The following BIRC6 variants were observed in gnomAD, a reference collection of about 807,000 sequenced individuals.
BIRC6 encodes the protein baculoviral IAP repeat containing 6, also known as dual E2 ubiquitin-conjugating enzyme/E3 ubiquitin-protein ligase BIRC6.
BIRC6 carries 98 observed loss-of-function variants against 503.3 expected under a neutral mutation model. That is an observed-to-expected ratio of 0.19 (90% CI 0.17 to 0.23). The LOEUF is 0.23. Ranked by LOEUF, BIRC6 falls within the 10% of genes least tolerant of loss-of-function variation. The probability of loss-of-function intolerance (pLI) is 1.00; values close to 1 mark genes in which losing one functional copy is unlikely to be tolerated. For synonymous variants in BIRC6, 2,240 were observed against 2,078.7 expected (o/e 1.08, Z -2.11); for missense variants, 5,360 against 5,806.0 (o/e 0.92, Z 2.50).
chr2:32,492,547 GA>G (rs1364716832), intron 44 of BIRC6, among the ~76,000 whole-genome samples: 2 of 152,004 alleles, frequency 1.3e-5, no homozygotes, highest in African/African-American at 4.8e-5. Flanking sequence ...CACCAATTCT[GA>G]CTTAATTGTT....
chr2:32,364,490 C>T (rs913738098), intron 1 of BIRC6, among the ~76,000 whole-genome samples: 1 of 152,152 alleles, frequency 6.6e-6, no homozygotes, highest in Non-Finnish European at 1.5e-5. Context: ...ATCCGCCCGC[C>T]CTGGCCTCCC....
intron 65 of BIRC6, among the ~76,000 whole-genome samples, chr2:32,553,234 A>AG (rs2058557072): frequency 7.6e-6 from 1 of 131,606 alleles, no homozygotes; most frequent in South Asian, 2.3e-4. Flanking sequence ...AAAAAAAAAA[A>AG]GATAAATTCC....
intron 69 of BIRC6, among the ~76,000 whole-genome samples, chr2:32,598,218 A>G (rs2061802932): frequency 6.8e-6 from 1 of 147,610 alleles, no homozygotes. Context: ...CAGCCTCCAC[A>G]AAGAGCCCTT....
At chr2:32,613,775 A>G (rs1305158303) in intron 73 of BIRC6, among the ~76,000 whole-genome samples, 1 of 152,160 alleles carries the variant, frequency 6.6e-6, no homozygotes, top group African/African-American at 2.4e-5. Context: ...TCATCTGTAG[A>G]CTATCTTGGC....
At chr2:32,473,683 T>A (rs1315861185) in intron 33 of BIRC6, among the ~76,000 whole-genome samples, 3 of 151,466 alleles carry the variant, frequency 2.0e-5, no homozygotes, top group African/African-American at 7.3e-5. Flanking sequence ...GGTTTCTTTT[T>A]CCATGTCTTT....
At chr2:32,594,438 C>G (rs1559124214) in intron 67 of BIRC6, 1 of 167,302 alleles carries the variant, frequency 6.0e-6, no homozygotes, top group East Asian at 1.7e-4. Context: ...ACGCCTTTAA[C>G]CCCCCCAGCA....
intron 1 of BIRC6, among the ~76,000 whole-genome samples, chr2:32,364,943 A>T (rs2034672408): frequency 6.6e-6 from 1 of 152,150 alleles, no homozygotes. Context: ...TTCCTGGCTA[A>T]CTTCGGTACA....
chr2:32,561,630 A>G (rs1173956801), intron 65 of BIRC6, among the ~76,000 whole-genome samples: 1 of 151,282 alleles, frequency 6.6e-6, no homozygotes, highest in Non-Finnish European at 1.5e-5. Flanking sequence ...TTAGTTGTAA[A>G]TTATATTCAA....
chr2:32,477,683 G>T, intron 35 of BIRC6, 100 bp downstream of exon 35: 2 of 791,132 alleles, frequency 2.5e-6, no homozygotes, highest in Non-Finnish European at 3.9e-6. Flanking sequence ...TGGATTATCT[G>T]AGTCTAGGAG....
chr2:32,565,691 T>C (rs1046108473), intron 65 of BIRC6: 3 of 152,224 alleles, frequency 2.0e-5, no homozygotes, highest in Non-Finnish European at 2.9e-5. Flanking sequence ...CTGGGTGAAT[T>C]ATAAAGGAAA....
At chr2:32,499,509 C>G in intron 45 of BIRC6, 38 bp from the exon 46 acceptor site, 1 of 1,473,450 alleles carries the variant, frequency 6.8e-7, no homozygotes, top group Non-Finnish European at 9.1e-7. Flanking sequence ...ATCTCTCTCT[C>G]TCTCTCTTTT....
At chr2:32,557,022 T>C (rs527519957) in intron 65 of BIRC6, among the ~76,000 whole-genome samples, 1 of 152,334 alleles carries the variant, frequency 6.6e-6, no homozygotes, top group East Asian at 1.9e-4. Context: ...TATTTTGTAT[T>C]ACCCACATTT....
At chr2:32,580,743 C>G (rs2060617275) in intron 66 of BIRC6, among the ~76,000 whole-genome samples, 1 of 152,184 alleles carries the variant, frequency 6.6e-6, no homozygotes, top group African/African-American at 2.4e-5. Context: ...GCAGATAGAG[C>G]TGTATATGTC....
intron 45 of BIRC6, among the ~76,000 whole-genome samples, chr2:32,496,780 G>GT (rs2052528714): frequency 6.6e-6 from 1 of 152,006 alleles, no homozygotes; most frequent in Admixed American, 6.6e-5. Flanking sequence ...GATCAGTTTG[G>GT]GCAGATGTAT....
At chr2:32,454,807 G>T (rs1461291438) in intron 23 of BIRC6, among the ~76,000 whole-genome samples, 1 of 152,120 alleles carries the variant, frequency 6.6e-6, no homozygotes, top group Non-Finnish European at 1.5e-5. Flanking sequence ...TTTTTGTTAG[G>T]AATTGCCTTA....
chr2:32,462,860 G>T (rs137932883), intron 23 of BIRC6, among the ~76,000 whole-genome samples: 1,710 of 151,494 alleles, frequency 0.011, 22 homozygotes, highest in Middle Eastern at 0.024. Context: ...GGAGGCTGAG[G>T]CACAAGAATC....
chr2:32,442,839 CT>C, intron 19 of BIRC6, among the ~76,000 whole-genome samples: 1 of 151,996 alleles, frequency 6.6e-6, no homozygotes, highest in Non-Finnish European at 1.5e-5. Context: ...TGTGCAGACC[CT>C]TTTTTTCTAA....
At chr2:32,505,463 C>T (rs987133298) in intron 50 of BIRC6, 3 of 375,222 alleles carry the variant, frequency 8.0e-6, no homozygotes, top group African/African-American at 6.1e-5. Flanking sequence ...TCTCTTTTCT[C>T]TCAAATTTAC....
intron 51 of BIRC6, 76 bp downstream of exon 51, chr2:32,508,335 T>C (rs2054029791): frequency 7.0e-7 from 1 of 1,429,292 alleles, no homozygotes; most frequent in East Asian, 2.5e-5. Flanking sequence ...ACTTAATTAT[T>C]TTGTGGGTTT....
Sources: allele counts gnomAD v4.1 joint callset (sites outside exome capture counted in the v4.1 genomes callset), GRCh38; gene constraint gnomAD v4.1.1; transcripts MANE v1.5; gene names NCBI Gene and HGNC (gene_info 2026-07-23, HGNC 2026-07-21).